The following FNDC3B variants were observed in gnomAD, a reference collection of about 807,000 sequenced individuals.
FNDC3B encodes the protein fibronectin type III domain containing 3B.
Under a neutral mutation model 151.5 loss-of-function variants are expected in FNDC3B, and 12 were observed. The ratio of observed to expected loss-of-function variants is 0.08; its 90% CI spans 0.05 to 0.13. FNDC3B has a LOEUF of 0.13. Ranked by LOEUF, FNDC3B falls within the 10% of genes least tolerant of loss-of-function variation. The probability of loss-of-function intolerance (pLI) is 1.00; values close to 1 mark genes in which losing one functional copy is unlikely to be tolerated. For missense variants in FNDC3B, 1,214 were observed against 1,505.3 expected, an observed-to-expected ratio of 0.81 and a Z score of 3.20; for synonymous variants, 528 against 549.0, an observed-to-expected ratio of 0.96 and a Z score of 0.54.
intron 21 of FNDC3B, among the ~76,000 whole-genome samples, chr3:172,349,950 C>T (rs1733785135): frequency 6.6e-6 from 1 of 152,152 alleles, no homozygotes; most frequent in African/African-American, 2.4e-5. Context: ...GCCACCGTGC[C>T]CGGCCACCAG....
In FNDC3B at chr3:172,340,063, G is replaced by A. The variant is rs1733213989; in HGVS notation, c.1853-1050G>A. Among the ~76,000 whole-genome samples, 5 of 152,334 alleles carry A rather than the reference G, an allele frequency of 3.3e-5. 1 individual carries two copies. The South Asian group carries it at 1.0e-3, about 32-fold the overall frequency. ...GTGGTCAACTGGAAACACAGCGTGA[G>A]TGGGAATAAAACAGAGGAGTGAAGA... On this transcript the variant is annotated intron_variant, in intron 16 of 25. Transcript: ENST00000415807.
intron 4 of FNDC3B, 58 bp from the exon 5 acceptor site, chr3:172,247,475 T>C: frequency 6.5e-7 from 1 of 1,542,218 alleles, no homozygotes; most frequent in Non-Finnish European, 8.8e-7. Flanking sequence ...ATTAATACTA[T>C]ATATATTCAT....
At chr3:172,206,921 T>A (rs1299003908) in intron 3 of FNDC3B, among the ~76,000 whole-genome samples, 1 of 152,192 alleles carries the variant, frequency 6.6e-6, no homozygotes, top group East Asian at 1.9e-4. Flanking sequence ...GACAAAAGAA[T>A]AGCTTGGCTT....
chr3:172,169,275 C>A (rs1230794724), intron 3 of FNDC3B, among the ~76,000 whole-genome samples: 3 of 152,206 alleles, frequency 2.0e-5, no homozygotes, highest in Non-Finnish European at 4.4e-5. Flanking sequence ...ACCAAAGGAG[C>A]AAGTGAAGGG....
chr3:172,315,085 C>T (rs1004756377), intron 11 of FNDC3B, among the ~76,000 whole-genome samples: 3 of 152,114 alleles, frequency 2.0e-5, no homozygotes, highest in South Asian at 4.1e-4. Context: ...CAGCTAAAAA[C>T]GGAATTTACA....
chr3:172,368,997 C>G (rs1459803291), intron 23 of FNDC3B, among the ~76,000 whole-genome samples: 1 of 152,096 alleles, frequency 6.6e-6, no homozygotes, highest in Non-Finnish European at 1.5e-5. Flanking sequence ...GGCGACAGAG[C>G]AAGACTCCAT....
chr3:172,170,238 C>T (rs1192038437), intron 3 of FNDC3B, among the ~76,000 whole-genome samples: 1 of 152,214 alleles, frequency 6.6e-6, no homozygotes, highest in Non-Finnish European at 1.5e-5. Context: ...GGCAGTATCT[C>T]CTCTGTTACT....
intron 1 of FNDC3B, among the ~76,000 whole-genome samples, chr3:172,052,134 G>A (rs894046815): frequency 1.3e-5 from 2 of 151,522 alleles, no homozygotes; most frequent in African/African-American, 4.9e-5. Flanking sequence ...GCCCAGGCTG[G>A]GGTGCAGTGG....
At chr3:172,391,657 T>G (rs537182696) in intron 25 of FNDC3B, among the ~76,000 whole-genome samples, 1 of 152,320 alleles carries the variant, frequency 6.6e-6, no homozygotes, top group South Asian at 2.1e-4. Context: ...AAACCTTGCT[T>G]AGATGTCAGC....
intron 18 of FNDC3B, among the ~76,000 whole-genome samples, chr3:172,343,563 G>C (rs1733447963): frequency 6.6e-6 from 1 of 152,202 alleles, no homozygotes; most frequent in African/African-American, 2.4e-5. Flanking sequence ...TGTGGGTCCT[G>C]ATGTTTTTAC....
intron 3 of FNDC3B, among the ~76,000 whole-genome samples, chr3:172,219,277 G>A (rs1726151474): frequency 6.6e-6 from 1 of 152,204 alleles, no homozygotes; most frequent in Non-Finnish European, 1.5e-5. Context: ...CTTGTGGATA[G>A]ACAATGCACC....
intron 18 of FNDC3B, among the ~76,000 whole-genome samples, 153 bp downstream of exon 18, chr3:172,343,269 C>G (rs1209089867): frequency 6.6e-6 from 1 of 152,136 alleles, no homozygotes; most frequent in South Asian, 2.1e-4. Flanking sequence ...GTATGTTGAC[C>G]CAGGTTTTTT....
chr3:172,236,303 T>G lies in FNDC3B; in HGVS notation c.264+9356T>G, dbSNP rs911513118. Among the ~76,000 whole-genome samples, 5 of 152,142 alleles carry G rather than the reference T, an allele frequency of 3.3e-5. No homozygotes were observed. The East Asian group carries it at 9.6e-4, about 29-fold the overall frequency. ...CAAGTGTGAAAGAAGTGGAGTGGTA[T>G]TTCCAGTGAGAGTATCTGGGTATGA... On this transcript the variant is annotated intron_variant, in intron 4 of 25. Transcript: ENST00000415807.
At chr3:172,366,559 C>T (rs1391661130) in intron 23 of FNDC3B, among the ~76,000 whole-genome samples, 2 of 152,106 alleles carry the variant, frequency 1.3e-5, no homozygotes, top group African/African-American at 4.8e-5. Context: ...AATAGAGGCA[C>T]TGCTTCAGTA....
intron 1 of FNDC3B, among the ~76,000 whole-genome samples, chr3:172,048,137 G>A (rs1188696292): frequency 1.3e-5 from 2 of 152,104 alleles, no homozygotes; most frequent in Non-Finnish European, 2.9e-5. Flanking sequence ...TTTATACTCA[G>A]TCACTCAGAT....
chr3:172,364,939 G>T (rs771418298), intron 23 of FNDC3B, among the ~76,000 whole-genome samples: 1 of 152,144 alleles, frequency 6.6e-6, no homozygotes, highest in Admixed American at 6.5e-5. Context: ...TTAAAGTGAT[G>T]GGAATATAGA....
intron 22 of FNDC3B, among the ~76,000 whole-genome samples, chr3:172,355,102 G>A (rs1005709746): frequency 6.6e-6 from 1 of 151,854 alleles, no homozygotes; most frequent in African/African-American, 2.4e-5. Flanking sequence ...TACTTTTAAA[G>A]GCATTCCTTT....
At chr3:172,081,567 C>T (rs1718280444) in intron 1 of FNDC3B, among the ~76,000 whole-genome samples, 1 of 152,076 alleles carries the variant, frequency 6.6e-6, no homozygotes, top group Non-Finnish European at 1.5e-5. Context: ...AGATTAATTC[C>T]ATACATACAT....
chr3:172,240,090 C>G (rs1251786954), intron 4 of FNDC3B, among the ~76,000 whole-genome samples: 4 of 152,002 alleles, frequency 2.6e-5, no homozygotes, highest in East Asian at 3.9e-4. Context: ...CCAGGATGGT[C>G]TTGATCTCCT....
Sources: gnomAD v4.1 joint callset for allele counts (sites outside exome capture counted in the v4.1 genomes callset) on GRCh38, gnomAD v4.1.1 for gene constraint, MANE v1.5 for transcripts, NCBI Gene and HGNC (gene_info 2026-07-23, HGNC 2026-07-21) for gene names.